Variants in MAGI2 observed in about 807,000 individuals in gnomAD.
The protein encoded by MAGI2 is membrane associated guanylate kinase, WW and PDZ domain containing 2.
Under a neutral mutation model 133.3 loss-of-function variants are expected in MAGI2, and 35 were observed. The observed-to-expected ratio is 0.26, with a 90% CI of 0.20 to 0.35. The LOEUF (loss-of-function observed/expected upper bound fraction) is 0.35. Among genes scored for constraint, MAGI2 ranks in the 10% least tolerant of loss-of-function variants. The pLI is 1.00. For missense variants in MAGI2, 1,636 were observed against 1,863.4 expected, an observed-to-expected ratio of 0.88 and a Z score of 2.25; for synonymous variants, 729 against 710.6, an observed-to-expected ratio of 1.03 and a Z score of -0.41.
intron 2 of MAGI2, among the ~76,000 whole-genome samples, chr7:78,776,348 T>C (rs1018753137): frequency 1.3e-5 from 2 of 152,232 alleles, no homozygotes; most frequent in African/African-American, 4.8e-5. Flanking sequence ...ATTAGGAAGC[T>C]ACACTTACTA....
rs1248875784 is a variant in MAGI2, at chr7:79,152,911, A to G, written c.302-145705T>C. Among the ~76,000 whole-genome samples, 5 of 152,204 alleles carry G rather than the reference A, an allele frequency of 3.3e-5. No individual in the cohort carries two copies. The East Asian group carries it at 5.8e-4, about 18-fold the overall frequency. On this transcript the variant is annotated intron_variant, in intron 1 of 21. Coordinates refer to ENST00000354212, the MANE Select transcript of MAGI2 (RefSeq NM_012301.4). ...AATTTCAACCTCAAATTATCCTCTG[A>G]GACAAAACAATGATTTGTAATTTTT...
intron 6 of MAGI2, among the ~76,000 whole-genome samples, chr7:78,380,021 A>G (rs1794776410): frequency 4.6e-5 from 7 of 152,010 alleles, no homozygotes; most frequent in Admixed American, 4.6e-4. Context: ...TCTGTAGCAC[A>G]CAATTAAAAC....
intron 1 of MAGI2, among the ~76,000 whole-genome samples, chr7:79,325,646 A>C (rs1460496477): frequency 6.6e-6 from 1 of 152,186 alleles, no homozygotes; most frequent in Non-Finnish European, 1.5e-5. Flanking sequence ...CAGCAGATGC[A>C]CCAAACATTG....
chr7:78,907,719 C>T (rs929432141), intron 2 of MAGI2, among the ~76,000 whole-genome samples: 1 of 152,068 alleles, frequency 6.6e-6, no homozygotes, highest in Non-Finnish European at 1.5e-5. Flanking sequence ...TTGGAATTAC[C>T]TATTTCCACT....
intron 1 of MAGI2, among the ~76,000 whole-genome samples, chr7:79,103,137 T>G (rs1394564201): frequency 6.6e-6 from 1 of 152,232 alleles, no homozygotes; most frequent in African/African-American, 2.4e-5. Context: ...CTGTTTCTTT[T>G]GTTGAATCCT....
intron 9 of MAGI2, among the ~76,000 whole-genome samples, chr7:78,319,380 A>G (rs1787761241): frequency 6.6e-6 from 1 of 152,240 alleles, no homozygotes; most frequent in South Asian, 2.1e-4. Flanking sequence ...CGTGATTGGA[A>G]GTAAGACACT....
chr7:78,553,062 T>C (rs1799491177), intron 3 of MAGI2, among the ~76,000 whole-genome samples: 1 of 146,368 alleles, frequency 6.8e-6, no homozygotes, highest in Admixed American at 6.9e-5. Context: ...AGAAGGAAAA[T>C]TCAGAAGTTG....
chr7:78,711,762 GAA>G (rs1819213981), intron 2 of MAGI2, among the ~76,000 whole-genome samples: 1 of 152,210 alleles, frequency 6.6e-6, no homozygotes, highest in African/African-American at 2.4e-5. Flanking sequence ...AAGTTTGATA[GAA>G]GAGAGCGTTG....
At chr7:79,310,636 G>C (rs1445408023) in intron 1 of MAGI2, among the ~76,000 whole-genome samples, 1 of 152,152 alleles carries the variant, frequency 6.6e-6, no homozygotes, top group East Asian at 1.9e-4. Flanking sequence ...AATAAAGCCG[G>C]TGATCTTGTT....
intron 16 of MAGI2, among the ~76,000 whole-genome samples, chr7:78,152,527 C>G (rs185965911): frequency 6.6e-6 from 1 of 152,184 alleles, no homozygotes; most frequent in Non-Finnish European, 1.5e-5. Context: ...CTACCACTCC[C>G]CCCTTAGCCC....
intron 10 of MAGI2, among the ~76,000 whole-genome samples, chr7:78,211,961 A>T (rs1409240375): frequency 1.3e-5 from 2 of 152,062 alleles, no homozygotes; most frequent in African/African-American, 2.4e-5. Context: ...GTTTAACCTC[A>T]CTCCAGTCTC....
At chr7:78,125,859 G>A (rs756264189) in intron 19 of MAGI2, 22 bp from the exon 20 acceptor site, 1 of 1,611,340 alleles carries the variant, frequency 6.2e-7, no homozygotes, top group Non-Finnish European at 8.5e-7. Context: ...GGGAGAAAAT[G>A]GAATAAATAA....
At chr7:78,981,846 A>G (rs1804815970) in intron 2 of MAGI2, among the ~76,000 whole-genome samples, 1 of 151,946 alleles carries the variant, frequency 6.6e-6, no homozygotes, top group Admixed American at 6.6e-5. Context: ...ATGTAGCACA[A>G]ACTGAAGCAT....
At chr7:78,801,194 T>A in intron 2 of MAGI2, among the ~76,000 whole-genome samples, 1 of 152,168 alleles carries the variant, frequency 6.6e-6, no homozygotes, top group Admixed American at 6.5e-5. Flanking sequence ...AGAAATTTTT[T>A]CCTCAGCAAC....
intron 2 of MAGI2, among the ~76,000 whole-genome samples, chr7:78,630,242 CTCTT>C (rs1259912494): frequency 1.3e-5 from 2 of 151,618 alleles, no homozygotes; most frequent in African/African-American, 4.8e-5. Context: ...GAGAGTTTAA[CTCTT>C]TTTTTTGTCT....
chr7:78,326,632 G>A (rs1223760174), intron 9 of MAGI2, among the ~76,000 whole-genome samples: 1 of 152,158 alleles, frequency 6.6e-6, no homozygotes, highest in Non-Finnish European at 1.5e-5. Context: ...GTTTCAGAAC[G>A]ACAGAAGGGG....
intron 3 of MAGI2, among the ~76,000 whole-genome samples, chr7:78,545,271 G>C (rs1444485248): frequency 2.1e-5 from 3 of 141,760 alleles, no homozygotes; most frequent in Non-Finnish European, 4.5e-5. Flanking sequence ...GGAGAGCAGT[G>C]GCTCGATCTC....
In MAGI2 at chr7:78,346,051, AG is replaced by A; in HGVS notation, c.1104-9del. ...GTTCTTCTATTTATGTGGCTAAAAA[AG>A]AAAATTTCAGATTAGGATAACCGTG... is the stretch of plus-strand genomic sequence containing the variant. On this transcript the variant is annotated splice_polypyrimidine_tract_variant and intron_variant, in intron 7 of 21. Coordinates refer to ENST00000354212, the MANE Select transcript of MAGI2 (RefSeq NM_012301.4). The A allele has an allele frequency of 6.2e-7, 1 of 1,613,858 alleles. No individual in the cohort carries two copies. Among genetic ancestry groups the A allele is most frequent in the Non-Finnish European group, 8.5e-7 (1 of 1,179,966 alleles).
At chr7:78,593,900 C>A (rs7777792) in intron 3 of MAGI2, among the ~76,000 whole-genome samples, 1 of 151,992 alleles carries the variant, frequency 6.6e-6, no homozygotes, top group Non-Finnish European at 1.5e-5. Context: ...GTGTTAAAAC[C>A]GTGGTTCTGA....
Sources: gnomAD v4.1 joint callset for allele counts (sites outside exome capture counted in the v4.1 genomes callset) on GRCh38, gnomAD v4.1.1 for gene constraint, MANE v1.5 for transcripts, NCBI Gene and HGNC (gene_info 2026-07-23, HGNC 2026-07-21) for gene names.